Variants in FAM53A observed in about 807,000 individuals in gnomAD.
FAM53A encodes family with sequence similarity 53 member A, also known as protein FAM53A.
A neutral mutation model predicts 26.6 loss-of-function variants in FAM53A; 28 were observed. The ratio of observed to expected loss-of-function variants is 1.05; its 90% confidence interval spans 0.78 to 1.45. FAM53A has a LOEUF of 1.45. Among genes scored for constraint, FAM53A ranks in the 40% most tolerant of loss-of-function variants. The probability of loss-of-function intolerance (pLI) is 0.00; values close to 1 mark genes in which losing one functional copy is unlikely to be tolerated. For missense variants in FAM53A, 650 were observed against 575.8 expected, an observed-to-expected ratio of 1.13 and a Z score of -1.32; for synonymous variants, 290 against 253.1, an observed-to-expected ratio of 1.15 and a Z score of -1.38.
chr4:1,608,089 G>C, the FAM53A span, among the ~76,000 whole-genome samples: 13 of 152,162 alleles, frequency 8.5e-5, no homozygotes, highest in African/African-American at 3.1e-4. Flanking sequence ...TCCAGCCTTG[G>C]TGACAGAGCA....
chr4:1,654,009 G>C (rs1027372870), intron 4 of FAM53A, among the ~76,000 whole-genome samples: 1 of 152,224 alleles, frequency 6.6e-6, no homozygotes, highest in South Asian at 2.1e-4. Flanking sequence ...GCAGGGCATG[G>C]GCAAGCCTGT....
chr4:1,578,365 G>A, the FAM53A span, among the ~76,000 whole-genome samples: 1 of 152,150 alleles, frequency 6.6e-6, no homozygotes, highest in South Asian at 2.1e-4. Context: ...GCCAGGGGCG[G>A]GCGTGCCAGG....
At chr4:1,676,597 C>T (rs147993988) in intron 1 of FAM53A, among the ~76,000 whole-genome samples, 1 of 152,282 alleles carries the variant, frequency 6.6e-6, no homozygotes, top group East Asian at 1.9e-4. Flanking sequence ...AGGCCTCACC[C>T]CTGCCACTCC....
intron 2 of FAM53A, among the ~76,000 whole-genome samples, chr4:1,664,469 A>C (rs1714080196): frequency 6.6e-6 from 1 of 152,240 alleles, no homozygotes; most frequent in South Asian, 2.1e-4. Flanking sequence ...ATTTTTCATA[A>C]AAATACTATT....
downstream of FAM53A, among the ~76,000 whole-genome samples, chr4:1,636,462 T>C (rs1435107152): frequency 1.3e-5 from 2 of 152,358 alleles, no homozygotes; most frequent in African/African-American, 4.8e-5. Flanking sequence ...AACAGCTAAC[T>C]TTGTGGTGTT....
chr4:1,648,744 A>T (rs1230201501), intron 4 of FAM53A, among the ~76,000 whole-genome samples: 1 of 152,234 alleles, frequency 6.6e-6, no homozygotes, highest in Non-Finnish European at 1.5e-5. Flanking sequence ...ATTTCAGGTG[A>T]GGTTGAGTCC....
At chr4:1,621,070 G>A (rs10031365) in intron 1 of FAM53A, among the ~76,000 whole-genome samples, 1,978 of 148,504 alleles carry the variant, frequency 0.013, 36 homozygotes, top group African/African-American at 0.047. Context: ...AAGAACAGGG[G>A]ACCCTTTTCC....
chr4:1,681,228 C>T (rs1038352782), intron 1 of FAM53A, among the ~76,000 whole-genome samples: 1 of 152,118 alleles, frequency 6.6e-6, no homozygotes, highest in Non-Finnish European at 1.5e-5. Context: ...TCCCAAGTAG[C>T]GGGGATTGCA....
the FAM53A span, among the ~76,000 whole-genome samples, chr4:1,597,413 C>T: frequency 2.5e-4 from 38 of 150,948 alleles, no homozygotes; most frequent in East Asian, 5.4e-3. Flanking sequence ...ACAGCAAACA[C>T]GCACTGGGGG....
chr4:1,632,635 G>C lies in FAM53A; in HGVS notation c.432-14524C>G, dbSNP rs943596871. Among the ~76,000 whole-genome samples the C allele has an allele frequency of 2.6e-5, 4 of 152,270 alleles. No homozygotes were observed. The East Asian group carries it at 7.7e-4, about 29-fold the overall frequency. On this transcript the variant is annotated intron_variant, in intron 1 of 1. Transcript: ENST00000489029. Reference sequence around the variant, plus strand: ...CGGGGACAAAGCTGGAACGAAGCCTGAGTCCTCTCATCACCATCCTTGACT... The same window carrying C: ...CGGGGACAAAGCTGGAACGAAGCCTCAGTCCTCTCATCACCATCCTTGACT...
intron 4 of FAM53A, among the ~76,000 whole-genome samples, chr4:1,647,337 GAAA>G (rs757995804): frequency 1.6e-5 from 2 of 127,348 alleles, no homozygotes; most frequent in Non-Finnish European, 1.7e-5. Flanking sequence ...TCCATCTCGG[GAAA>G]AAAAAAAAAA....
At chr4:1,681,859 C>T (rs1014786763) in intron 1 of FAM53A, among the ~76,000 whole-genome samples, 3 of 152,134 alleles carry the variant, frequency 2.0e-5, no homozygotes, top group African/African-American at 4.8e-5. Flanking sequence ...CTGGTGAGAA[C>T]AGGCTGCACC....
chr4:1,647,264 G>A (rs1712327905), intron 4 of FAM53A, among the ~76,000 whole-genome samples: 1 of 152,006 alleles, frequency 6.6e-6, no homozygotes, highest in Non-Finnish European at 1.5e-5. Context: ...GAACCTGGGA[G>A]GCAGAGGTTG....
At chr4:1,621,263 C>T (rs898420936) in intron 1 of FAM53A, among the ~76,000 whole-genome samples, 10 of 151,976 alleles carry the variant, frequency 6.6e-5, no homozygotes, top group African/African-American at 2.4e-4. Flanking sequence ...GCCACCTCAC[C>T]CGGCTAATTT....
At chr4:1,651,680 C>T (rs926017068) in intron 4 of FAM53A, among the ~76,000 whole-genome samples, 2 of 150,306 alleles carry the variant, frequency 1.3e-5, no homozygotes, top group African/African-American at 2.4e-5. Context: ...GAGGACGGGA[C>T]ACCAGCCTGG....
chr4:1,596,293 G>A, the FAM53A span, among the ~76,000 whole-genome samples: 13 of 152,158 alleles, frequency 8.5e-5, no homozygotes, highest in African/African-American at 2.2e-4. Context: ...CATGCTGTCC[G>A]GATTTTTTAT....
chr4:1,615,229 T>C (rs1336104474), downstream of FAM53A, among the ~76,000 whole-genome samples: 17 of 99,688 alleles, frequency 1.7e-4, no homozygotes, highest in South Asian at 3.7e-4. Context: ...GCCATGCCCA[T>C]CCCGCCTGGG....
chr4:1,616,521 C>A (rs1714817333), downstream of FAM53A, among the ~76,000 whole-genome samples: 1 of 152,238 alleles, frequency 6.6e-6, no homozygotes, highest in Non-Finnish European at 1.5e-5. Flanking sequence ...GACTCCGTCT[C>A]ACGTCTCAAA....
chr4:1,615,000 AC>A (rs1486850554), downstream of FAM53A, among the ~76,000 whole-genome samples: 6 of 152,244 alleles, frequency 3.9e-5, no homozygotes, highest in African/African-American at 1.4e-4. Flanking sequence ...CACGCAAACC[AC>A]AAAAAAGGAC....
Sources: gnomAD v4.1 joint callset for allele counts (sites outside exome capture counted in the v4.1 genomes callset) on GRCh38, gnomAD v4.1.1 for gene constraint, MANE v1.5 for transcripts, NCBI Gene and HGNC (gene_info 2026-07-23, HGNC 2026-07-21) for gene names.